Variants in MYO1C observed in about 807,000 individuals in gnomAD.
MYO1C encodes the protein unconventional myosin-Ic.
In MYO1C, 104 loss-of-function variants were observed where a neutral mutation model predicts 150.8. That is an observed-to-expected ratio of 0.69 (90% CI 0.59 to 0.81). The LOEUF is 0.81. Among genes scored for constraint, MYO1C ranks in the 30% least tolerant of loss-of-function variants. The pLI is 0.00. For synonymous variants in MYO1C, 663 were observed against 579.9 expected (o/e 1.14, Z -2.06); for missense variants, 1,504 against 1,435.0 (o/e 1.05, Z -0.78).
intron 14 of MYO1C, among the ~76,000 whole-genome samples, chr17:1,475,592 G>A (rs1409856000): frequency 6.6e-6 from 1 of 152,262 alleles, no homozygotes; most frequent in Middle Eastern, 3.2e-3. Context: ...TGCTTCGGCC[G>A]CTGCGGGCTC....
At chr17:1,490,372 C>G (rs945491212) in intron 1 of MYO1C, among the ~76,000 whole-genome samples, 1 of 152,100 alleles carries the variant, frequency 6.6e-6, no homozygotes, top group African/African-American at 2.4e-5. Context: ...GTGGCACACA[C>G]CTGTAATCCC....
intron 13 of MYO1C, 147 bp from the exon 14 acceptor site, chr17:1,477,743 C>T: frequency 9.9e-7 from 1 of 1,008,384 alleles, no homozygotes; most frequent in South Asian, 1.3e-5. Flanking sequence ...GGGGCGGCAC[C>T]TCCCTCCATC....
rs761967155 is a variant in MYO1C at position 1,484,166 on chromosome 17, A to C, written c.213T>G (p.Phe71Leu). ...GCCTCACGTAGATGAGATTCTCCCG[A>C]AATCGCCGCCGCAGGTTCTCGATGA... ...AAFIENLRRR[F>L]RENLIYTYIG... Residue 71 changes from phenylalanine (F) to leucine (L), a missense_variant, in exon 2 of 32, where the codon TTT becomes TTG. Coordinates refer to ENST00000648651, the MANE Select transcript of MYO1C (RefSeq NM_001080779.2). 1 of 1,613,030 alleles carries C rather than the reference A, an allele frequency of 6.2e-7. No individual in the cohort carries two copies. The highest frequency in any genetic ancestry group is 1.1e-5 in the South Asian group (1 of 91,084).
Position 1,472,120 on chromosome 17 carries a change from T to A in MYO1C, c.1903+3A>T. 1 of 1,614,014 alleles carries A rather than the reference T, an allele frequency of 6.2e-7. No individual in the cohort carries two copies. The highest frequency in any genetic ancestry group is 8.5e-7 in the Non-Finnish European group (1 of 1,179,936). On this transcript the variant is annotated splice_donor_region_variant and intron_variant, in intron 18 of 31. Transcript: ENST00000648651. ...CCCGAAGTCCCCCGTGGGAGGGGCC[T>A]ACCGGGCTGTTTGGCATCATTGGGT...
chr17:1,480,144 CA>C (rs34326248), intron 7 of MYO1C, among the ~76,000 whole-genome samples: 3,977 of 42,556 alleles, frequency 0.093, 54 homozygotes, highest in African/African-American at 0.17. Context: ...GACTCCATCT[CA>C]AAAAAAAAAA....
chr17:1,480,036 C>T (rs936088381), intron 7 of MYO1C, among the ~76,000 whole-genome samples: 1 of 150,602 alleles, frequency 6.6e-6, no homozygotes, highest in African/African-American at 2.5e-5. Flanking sequence ...ATCCCAACTA[C>T]TCAGGAGGCT....
chr17:1,479,805 G>C lies in MYO1C; in HGVS notation c.907-100C>G. Reference sequence around the variant, plus strand: ...ATGCAGGGGTGGGTGGTGAAGTGTCGGAGAGAAGGGGCTGGAAGTGGGAAT... The same window carrying C: ...ATGCAGGGGTGGGTGGTGAAGTGTCCGAGAGAAGGGGCTGGAAGTGGGAAT... On this transcript the variant is annotated intron_variant, in intron 7 of 31. Coordinates refer to ENST00000648651, the MANE Select transcript of MYO1C (RefSeq NM_001080779.2). This position sits in a 1 kb window ranked among gnomAD's most constrained non-coding sequence, Gnocchi z 4.2. The C allele has an allele frequency of 5.0e-6, 4 of 792,162 alleles. No individual in the cohort carries two copies. The highest frequency in any genetic ancestry group is 6.3e-6 in the Non-Finnish European group (3 of 476,230). 49.1% of individuals were successfully genotyped at this position (792,162 alleles called of 1,614,324 possible). A position where few individuals can be genotyped will look rare whatever the true frequency, so the allele number is the denominator to read the frequency against.
At position 1,483,026 on chromosome 17, in the gene MYO1C, C is replaced by T. The variant is rs2074567535; in HGVS notation, c.381G>A (p.Leu127=). Residue 127 remains leucine (L), a synonymous_variant, in exon 4 of 32, where the codon CTG becomes CTA. Transcript: ENST00000648651. ...CAGCCTGGTCCCGACGCTCCGTGCG[C>T]AGTGCTCGGTACACAGTGTCCGCCA... The part of the protein sequence containing the change: ...FAVADTVYRA[L]RTERRDQAVM... The T allele has an allele frequency of 1.2e-6, 2 of 1,611,484 alleles. No homozygotes were observed. The highest frequency in any genetic ancestry group is 2.2e-5 in the East Asian group (1 of 44,834).
rs558996397 is a variant in MYO1C, at chr17:1,470,476, C to T, written c.2325G>A (p.Arg775=). 3.2e-6 allele frequency: 5 copies of T among 1,551,120 alleles called. No homozygotes were observed. The Admixed American group carries it at 7.8e-5, about 24-fold the overall frequency. ...QSWWRGTLGR[R]KAAKRKWAAQ... is the part of the protein sequence containing the mutation. ...CCGCCCACTTCCTCTTGGCTGCCTT[C>T]CTCCGGCCCAGTGTTCCACGCCACC... is the stretch of plus-strand genomic sequence containing the variant. The change falls in exon 23 of 32, where the codon AGG becomes AGA. Residue 775 remains arginine (R), a synonymous_variant. Transcript: ENST00000648651.
intron 1 of MYO1C, among the ~76,000 whole-genome samples, chr17:1,488,307 G>A (rs867954549): frequency 1.1e-4 from 16 of 152,292 alleles, no homozygotes; most frequent in African/African-American, 3.4e-4. Context: ...AGGAGGGGGC[G>A]TCTCCGCCGC....
At chr17:1,468,189 CT>C in intron 27 of MYO1C, 63 bp downstream of exon 27, 7 of 1,611,084 alleles carry the variant, frequency 4.3e-6, no homozygotes. Context: ...CTGCCCTGAC[CT>C]GCCTTCAGCT....
rs534281907 is a variant in MYO1C, at chr17:1,484,164, C to T, written c.215G>A (p.Arg72Gln). The T allele has an allele frequency of 1.2e-4, 200 of 1,612,978 alleles. No individual in the cohort carries two copies. In the South Asian group the frequency reaches 1.4e-3, roughly 11 times the overall value. Reference protein sequence around the residue: ...AFIENLRRRFRENLIYTYIGP... With the variant: ...AFIENLRRRFQENLIYTYIGP... ...GGGCCTCACGTAGATGAGATTCTCC[C>T]GAAATCGCCGCCGCAGGTTCTCGAT... is the stretch of plus-strand genomic sequence containing the variant. Residue 72 changes from arginine (R) to glutamine (Q), a missense_variant, in exon 2 of 32, where the codon CGG (arginine) becomes CAG (glutamine). Physicochemically the swap from Arg to Gln is conservative, Grantham distance 43 (BLOSUM62 1). Transcript: ENST00000648651.
intron 1 of MYO1C, among the ~76,000 whole-genome samples, chr17:1,489,031 T>C (rs1452657946): frequency 1.3e-5 from 2 of 152,116 alleles, no homozygotes; most frequent in Non-Finnish European, 2.9e-5. Flanking sequence ...GGTAGGGGTG[T>C]TGGGGGCTGG....
intron 21 of MYO1C, 117 bp downstream of exon 21, chr17:1,470,954 C>A: frequency 8.5e-7 from 1 of 1,173,236 alleles, no homozygotes; most frequent in Non-Finnish European, 1.2e-6. Flanking sequence ...TGGAGCTGGG[C>A]GTGGGGCTGG....
At chr17:1,475,230 T>C (rs569223571) in intron 14 of MYO1C, among the ~76,000 whole-genome samples, 198 bp from the exon 15 acceptor site, 1 of 152,126 alleles carries the variant, frequency 6.6e-6, no homozygotes, top group Admixed American at 6.5e-5. Context: ...ACCAGCTTGG[T>C]CAATATGGTG....
In MYO1C at chr17:1,467,346, G is replaced by A; in HGVS notation, c.3066-5C>T. ...GGGCCCCCTGCAAACGTGATGCTGG[G>A]GGAACGGGGTGGGTGAGGGTTTTTC... On this transcript the variant is annotated splice_region_variant and splice_polypyrimidine_tract_variant and intron_variant, in intron 30 of 31. Coordinates refer to ENST00000648651, the MANE Select transcript of MYO1C (RefSeq NM_001080779.2). 6.2e-7 allele frequency: 1 copy of A among 1,611,552 alleles called. No individual in the cohort carries two copies. Among genetic ancestry groups the A allele is most frequent in the Non-Finnish European group, 8.5e-7 (1 of 1,179,004 alleles).
chr17:1,481,040 C>T (rs191055265), intron 5 of MYO1C, 155 bp from the exon 6 acceptor site: 166 of 705,020 alleles, frequency 2.4e-4, no homozygotes, highest in Admixed American at 6.4e-4. Flanking sequence ...ACGCCACCCA[C>T]GCTGGACTCA....
Position 1,465,653 on chromosome 17 carries a change from CT to C in MYO1C, c.*72del. 1 of 1,304,248 alleles carries C rather than the reference CT, an allele frequency of 7.7e-7. No individual in the cohort carries two copies. Among genetic ancestry groups the C allele is most frequent in the Non-Finnish European group, 9.9e-7 (1 of 1,006,628 alleles). 80.8% of individuals were successfully genotyped at this position (1,304,248 alleles called of 1,614,324 possible). A position where few individuals can be genotyped will look rare whatever the true frequency, so the allele number is the denominator to read the frequency against. On this transcript the variant is annotated 3_prime_UTR_variant, in exon 32 of 32. Coordinates refer to ENST00000648651, the MANE Select transcript of MYO1C (RefSeq NM_001080779.2). ...TGGGTCCCTGTCTGGAAGTTCGAGT[CT>C]TTGGTAACTGGGAAGGGGAGGAGGA...
chr17:1,469,504 A>T, intron 25 of MYO1C, 27 bp downstream of exon 25: 1 of 1,572,034 alleles, frequency 6.4e-7, no homozygotes, highest in Non-Finnish European at 8.7e-7. Flanking sequence ...CCACTTCCTC[A>T]TCCTCACCCA....
Sources: gnomAD v4.1 joint callset for allele counts (sites outside exome capture counted in the v4.1 genomes callset) on GRCh38, gnomAD v4.1.1 for gene constraint, Gnocchi (gnomAD v3.1) non-coding constraint, MANE v1.5 for transcripts, NCBI Gene and HGNC (gene_info 2026-07-23, HGNC 2026-07-21) for gene names.